ANKFN1: variants seen among roughly 807,000 people sequenced by gnomAD.
The protein encoded by ANKFN1 is ankyrin repeat and fibronectin type-III domain-containing protein 1.
Under a neutral mutation model 108.7 loss-of-function variants are expected in ANKFN1, and 74 were observed. The observed-to-expected ratio is 0.68, with a 90% CI of 0.56 to 0.83. ANKFN1 has a LOEUF of 0.83. ANKFN1 is among the 40% of genes least tolerant of loss of function. The pLI is 0.00. For synonymous variants in ANKFN1, 547 were observed against 516.2 expected (o/e 1.06, Z -0.81); for missense variants, 1,505 against 1,382.3 (o/e 1.09, Z -1.41).
In ANKFN1 at chr17:56,161,902, A is replaced by G. The variant is rs964003269; in HGVS notation, c.-71+8372A>G. 5.9e-5 allele frequency among the ~76,000 whole-genome samples: 9 copies of G among 152,366 alleles called. No individual in the cohort carries two copies. In the East Asian group the frequency reaches 1.7e-3, roughly 29 times the overall value. ...TCAGGGTCTATGGGAATGCTGGACA[A>G]CCATGCTTGCCAAAATGCAGGATGC... is the stretch of plus-strand genomic sequence containing the variant. On this transcript the variant is annotated intron_variant, in intron 1 of 20. Transcript: ENST00000682825.
At chr17:56,131,144 A>G (rs1047700107) in intron 4 of ANKFN1, among the ~76,000 whole-genome samples, 2 of 152,204 alleles carry the variant, frequency 1.3e-5, no homozygotes, top group Non-Finnish European at 2.9e-5. Context: ...CAGGCAGATA[A>G]AGGGCAAATG....
At chr17:56,247,370 G>A (rs1918035631) in intron 3 of ANKFN1, among the ~76,000 whole-genome samples, 1 of 152,152 alleles carries the variant, frequency 6.6e-6, no homozygotes, top group Non-Finnish European at 1.5e-5. Context: ...CACATGTATT[G>A]GAAGTAAGAC....
intron 4 of ANKFN1, among the ~76,000 whole-genome samples, chr17:56,057,569 T>G (rs1328444408): frequency 6.6e-6 from 1 of 152,110 alleles, no homozygotes; most frequent in Non-Finnish European, 1.5e-5. Flanking sequence ...GCAGATCACT[T>G]GAGGTCAGAA....
chr17:56,188,762 C>T (rs1375084793), intron 1 of ANKFN1, among the ~76,000 whole-genome samples: 1 of 151,470 alleles, frequency 6.6e-6, no homozygotes, highest in Non-Finnish European at 1.5e-5. Context: ...ACTCCTAAAT[C>T]CCTCAGAATA....
intron 3 of ANKFN1, among the ~76,000 whole-genome samples, chr17:56,324,408 T>G (rs2045458675): frequency 6.6e-6 from 1 of 152,218 alleles, no homozygotes. Flanking sequence ...ACTTGAGTAT[T>G]TGCTCTAGAA....
intron 17 of ANKFN1, among the ~76,000 whole-genome samples, chr17:56,481,705 C>T (rs560230356): frequency 7.9e-5 from 12 of 152,098 alleles, no homozygotes; most frequent in Admixed American, 3.3e-4. Context: ...AAACAGCCAA[C>T]GCTAATGAAG....
intron 10 of ANKFN1, 102 bp from the exon 11 acceptor site, chr17:56,448,977 G>C (rs1435642861): frequency 2.2e-6 from 2 of 899,160 alleles, no homozygotes; most frequent in African/African-American, 3.3e-5. Context: ...CATCCGCAGA[G>C]ACTGTGGGTA....
intron 8 of ANKFN1, among the ~76,000 whole-genome samples, chr17:56,409,579 C>A (rs1489681802): frequency 6.6e-6 from 1 of 152,122 alleles, no homozygotes; most frequent in Non-Finnish European, 1.5e-5. Flanking sequence ...CAAAATTAAT[C>A]CTGATAGCTG....
At chr17:56,312,877 G>T (rs550721664) in intron 3 of ANKFN1, among the ~76,000 whole-genome samples, 12 of 152,236 alleles carry the variant, frequency 7.9e-5, no homozygotes, top group African/African-American at 2.9e-4. Flanking sequence ...AACAGTGGGG[G>T]CGGGCACGGT....
At chr17:56,189,417 G>A (rs1014161595) in intron 1 of ANKFN1, among the ~76,000 whole-genome samples, 6 of 151,706 alleles carry the variant, frequency 4.0e-5, no homozygotes, top group Non-Finnish European at 8.8e-5. Flanking sequence ...TGATCCGCCC[G>A]CCTCGGCCTC....
At chr17:56,141,253 C>T (rs1238121730) in intron 4 of ANKFN1, among the ~76,000 whole-genome samples, 3 of 152,172 alleles carry the variant, frequency 2.0e-5, no homozygotes, top group East Asian at 3.9e-4. Context: ...CACCACAAGC[C>T]AATCTTGCCA....
At chr17:56,070,692 A>G (rs899326663) in intron 4 of ANKFN1, among the ~76,000 whole-genome samples, 3 of 151,038 alleles carry the variant, frequency 2.0e-5, no homozygotes, top group African/African-American at 7.3e-5. Flanking sequence ...ATATTCCTGA[A>G]TCTAGGATCT....
At position 56,350,856 on chromosome 17, in the gene ANKFN1, CA is replaced by C. The variant is rs1567935443; in HGVS notation, c.282del (p.Lys94AsnfsTer11). ...HSAPSSPNAA[K>X]RLYRNLSEKL... Reference sequence around the variant, plus strand: ...GTGCTCCCTCATCTCCCAACGCAGCCAAACGCCTGTACAGGAACCTCTCTGA... The same window carrying C: ...GTGCTCCCTCATCTCCCAACGCAGCCAACGCCTGTACAGGAACCTCTCTGA... On this transcript the variant is annotated frameshift_variant, in exon 5 of 21. Transcript: ENST00000682825. LOFTEE classifies it high-confidence loss of function. 6.2e-7 allele frequency: 1 copy of C among 1,613,864 alleles called. No homozygotes were observed. The highest frequency in any genetic ancestry group is 2.2e-5 in the East Asian group (1 of 44,856).
chr17:56,108,313 T>C (rs959405892), intron 4 of ANKFN1, among the ~76,000 whole-genome samples: 2 of 152,174 alleles, frequency 1.3e-5, no homozygotes, highest in Non-Finnish European at 2.9e-5. Context: ...GGATTACAGG[T>C]GTGAGCCACG....
intron 20 of ANKFN1, among the ~76,000 whole-genome samples, chr17:56,508,058 G>T (rs1303622490): frequency 6.6e-6 from 1 of 152,188 alleles, no homozygotes; most frequent in African/African-American, 2.4e-5. Context: ...TTCAATGAAT[G>T]ACTTTCCTGG....
At position 56,511,029 on chromosome 17, in the gene ANKFN1, C is replaced by A; in HGVS notation, c.3201C>A (p.Ala1067=). 4.6e-6 allele frequency: 7 copies of A among 1,536,000 alleles called. No individual in the cohort carries two copies. Among genetic ancestry groups the A allele is most frequent in the Non-Finnish European group, 6.1e-6 (7 of 1,146,888 alleles). ...ALDDPRGLTL[A]HAASLPEERN... is the part of the protein sequence containing the mutation. ...ATGATCCCAGGGGCCTAACTCTGGC[C>A]CACGCTGCCAGCCTTCCTGAGGAGC... Residue 1067 remains alanine, a synonymous_variant, in exon 21 of 21, where the codon GCC becomes GCA. Coordinates refer to ENST00000682825, the MANE Select transcript of ANKFN1 (RefSeq NM_001370326.1).
intron 8 of ANKFN1, among the ~76,000 whole-genome samples, chr17:56,396,977 A>G (rs1325653748): frequency 6.6e-6 from 1 of 152,158 alleles, no homozygotes; most frequent in Non-Finnish European, 1.5e-5. Context: ...AATGTAGTAT[A>G]TGAAATAATA....
intron 4 of ANKFN1, among the ~76,000 whole-genome samples, chr17:56,133,635 A>T (rs7216425): frequency 7.6e-6 from 1 of 131,754 alleles, no homozygotes; most frequent in South Asian, 3.0e-4. Flanking sequence ...GCTACATTCC[A>T]TCACTCTACA....
At chr17:56,201,727 T>C (rs994813851) in intron 1 of ANKFN1, among the ~76,000 whole-genome samples, 3 of 152,072 alleles carry the variant, frequency 2.0e-5, no homozygotes, top group Non-Finnish European at 2.9e-5. Flanking sequence ...TCTGTAATCG[T>C]TGTGACTTAA....
Sources: gnomAD v4.1 joint callset for allele counts (sites outside exome capture counted in the v4.1 genomes callset) on GRCh38, gnomAD v4.1.1 for gene constraint, MANE v1.5 for transcripts, NCBI Gene and HGNC (gene_info 2026-07-23, HGNC 2026-07-21) for gene names.